TNR: variants seen among roughly 807,000 people sequenced by gnomAD.
TNR encodes tenascin-R.
Under a neutral mutation model 150.4 loss-of-function variants are expected in TNR, and 45 were observed. The observed-to-expected ratio is 0.30, with a 90% CI of 0.24 to 0.38. TNR has a LOEUF of 0.38. Ranked by LOEUF, TNR falls within the 10% of genes least tolerant of loss-of-function variation. The pLI is 1.00. For synonymous variants in TNR, 687 were observed against 678.4 expected (o/e 1.01, Z -0.20); for missense variants, 1,544 against 1,759.1 (o/e 0.88, Z 2.19).
chr1:175,367,607 C>A (rs1239512947), intron 9 of TNR, among the ~76,000 whole-genome samples: 4 of 152,100 alleles, frequency 2.6e-5, no homozygotes, highest in South Asian at 2.1e-4. Flanking sequence ...GTATGCTTAG[C>A]GTCTCAGGTT....
chr1:175,463,335 G>A (rs538824887), intron 2 of TNR, among the ~76,000 whole-genome samples: 1 of 152,240 alleles, frequency 6.6e-6, no homozygotes, highest in Admixed American at 6.5e-5. Flanking sequence ...GTATGCTTTT[G>A]CCAGCACCAC....
intron 1 of TNR, among the ~76,000 whole-genome samples, chr1:175,682,739 G>A (rs1272312551): frequency 1.3e-5 from 2 of 152,142 alleles, no homozygotes; most frequent in African/African-American, 4.8e-5. Context: ...GGTGGAAGCA[G>A]AACTGGGTTG....
chr1:175,678,696 T>C (rs1437985155), intron 1 of TNR, among the ~76,000 whole-genome samples: 1 of 151,976 alleles, frequency 6.6e-6, no homozygotes, highest in African/African-American at 2.4e-5. Flanking sequence ...GAGGCAGAGG[T>C]GACATTGACA....
intron 1 of TNR, among the ~76,000 whole-genome samples, chr1:175,682,223 G>T (rs1279715608): frequency 6.6e-6 from 1 of 152,154 alleles, no homozygotes; most frequent in Non-Finnish European, 1.5e-5. Flanking sequence ...ATTACTAACT[G>T]ACTATGCTCA....
intron 1 of TNR, among the ~76,000 whole-genome samples, chr1:175,723,378 G>T (rs144329685): frequency 3.3e-5 from 5 of 152,226 alleles, no homozygotes; most frequent in African/African-American, 1.2e-4. Context: ...CTACCTGGGT[G>T]TCATCTCCAC....
At chr1:175,339,895 T>C (rs189433959) in intron 18 of TNR, among the ~76,000 whole-genome samples, 2 of 145,922 alleles carry the variant, frequency 1.4e-5, no homozygotes, top group East Asian at 1.9e-4. Context: ...CTTCTTCATA[T>C]TGATAATGTA....
At chr1:175,610,332 C>T (rs1164812708) in intron 1 of TNR, among the ~76,000 whole-genome samples, 1 of 152,220 alleles carries the variant, frequency 6.6e-6, no homozygotes, top group African/African-American at 2.4e-5. Context: ...CTCATGGATG[C>T]CCCTTTGTTT....
Position 175,473,898 on chromosome 1 carries a change from TGAGGA to T in TNR, c.-64+54366_-64+54370del, listed in dbSNP as rs545964579. Among the ~76,000 whole-genome samples the T allele has an allele frequency of 5.7e-3, 873 of 152,280 alleles. 2 individuals are homozygous for T. The highest frequency in any genetic ancestry group is 8.2e-3 in the Non-Finnish European group (561 of 68,016). On this transcript the variant is annotated intron_variant, in intron 2 of 22. Coordinates refer to ENST00000367674, the MANE Select transcript of TNR (RefSeq NM_003285.3). ...CTGGTTTTAATGAAGTGCATTAAAA[TGAGGA>T]GATTCATGGCCGCCTGTATGCTTTT...
In TNR at chr1:175,379,728, G is replaced by A; in HGVS notation, c.1787C>T (p.Ala596Val). ...AGAACCAACTCGCAAGTTCTTGGGG[G>A]CATCGATCTCTAAAAATAGACAGAC... is the stretch of plus-strand genomic sequence containing the variant. ...ATTQFTTEIDAPKNLRVGSRT... is the reference protein window; with the variant it reads ...ATTQFTTEIDVPKNLRVGSRT... Residue 596 changes from alanine (A) to valine (V), a missense_variant, in exon 9 of 23, where the codon GCC becomes GTC. By Grantham distance (64) the Ala-to-Val change is moderately conservative. Coordinates refer to ENST00000367674, the MANE Select transcript of TNR (RefSeq NM_003285.3). 8 of 1,613,950 alleles carry A rather than the reference G, an allele frequency of 5.0e-6. No homozygotes were observed. Among genetic ancestry groups the A allele is most frequent in the East Asian group, 2.2e-5 (1 of 44,888 alleles).
chr1:175,466,992 A>G (rs1302404942), intron 2 of TNR, among the ~76,000 whole-genome samples: 1 of 152,146 alleles, frequency 6.6e-6, no homozygotes, highest in East Asian at 1.9e-4. Flanking sequence ...TTAACCCCTG[A>G]ATCCTCAGAG....
chr1:175,603,438 G>T (rs1209694536), intron 1 of TNR, among the ~76,000 whole-genome samples: 1 of 152,200 alleles, frequency 6.6e-6, no homozygotes, highest in African/African-American at 2.4e-5. Context: ...TTTTCAAGTT[G>T]CGAGGGGACT....
Position 175,528,276 on chromosome 1 carries a change from G to A in TNR, c.-71C>T, listed in dbSNP as rs1226652551. 1 of 152,222 alleles carries A rather than the reference G, an allele frequency of 6.6e-6. No individual in the cohort carries two copies. The highest frequency in any genetic ancestry group is 1.5e-5 in the Non-Finnish European group (1 of 68,046). 9.4% of individuals were successfully genotyped at this position (152,222 alleles called of 1,614,324 possible). ...AATGTTCACAGGAAATACCTTTTGT[G>A]ATGGTGTCTTCGATGCTTTCTCTTT... On this transcript the variant is annotated 5_prime_UTR_variant, in exon 2 of 23. Coordinates refer to ENST00000367674, the MANE Select transcript of TNR (RefSeq NM_003285.3).
At chr1:175,577,508 T>G (rs937654711) in intron 1 of TNR, among the ~76,000 whole-genome samples, 2 of 152,188 alleles carry the variant, frequency 1.3e-5, no homozygotes, top group African/African-American at 4.8e-5. Flanking sequence ...ATCTTCCATC[T>G]TCACTAGATG....
chr1:175,451,405 G>A (rs984711071), intron 2 of TNR, among the ~76,000 whole-genome samples: 1 of 152,004 alleles, frequency 6.6e-6, no homozygotes, highest in East Asian at 1.9e-4. Context: ...GGTGTGTGAT[G>A]TTCCCCTTCC....
In TNR at chr1:175,367,232, G is replaced by T. The variant is rs767130193; in HGVS notation, c.2029C>A (p.Pro677Thr). ...CCAGTCCTGGCATTCATGGTGGCTGGCACGCTTTGCTGTGAGTTCATGACG... is the reference window on the plus strand; with the variant it reads ...CCAGTCCTGGCATTCATGGTGGCTGTCACGCTTTGCTGTGAGTTCATGACG... ...SAVMNSQQSV[P>T]ATMNARTELD... Residue 677 changes from proline (P) to threonine (T), a missense_variant, in exon 10 of 23, where the codon CCA becomes ACA. By Grantham distance (38) the Pro-to-Thr change is conservative. This residue lies in a region of TNR where 1,254 missense variants were observed against 1,329.4 expected (regional missense o/e 0.94). Transcript: ENST00000367674. The T allele has an allele frequency of 1.2e-6, 2 of 1,614,072 alleles. No individual in the cohort carries two copies. The highest frequency in any genetic ancestry group is 2.2e-5 in the South Asian group (2 of 91,054).
chr1:175,726,164 ACCAG>A (rs918286888), intron 1 of TNR, among the ~76,000 whole-genome samples: 1 of 152,196 alleles, frequency 6.6e-6, no homozygotes, highest in Non-Finnish European at 1.5e-5. Context: ...ATGCTAAAGT[ACCAG>A]TCCTCAAGAA....
chr1:175,400,805 A>G (rs1460451664), intron 4 of TNR, among the ~76,000 whole-genome samples: 1 of 152,176 alleles, frequency 6.6e-6, no homozygotes, highest in Non-Finnish European at 1.5e-5. Flanking sequence ...AACGTCAAAC[A>G]GTGGATAAAT....
chr1:175,407,002 A>T (rs1246570559), intron 2 of TNR, among the ~76,000 whole-genome samples: 1 of 152,202 alleles, frequency 6.6e-6, no homozygotes, highest in Non-Finnish European at 1.5e-5. Flanking sequence ...TTGTTTTCTC[A>T]AAAGGCTTAT....
chr1:175,410,642 G>A (rs1654172367), intron 2 of TNR, among the ~76,000 whole-genome samples: 1 of 152,202 alleles, frequency 6.6e-6, no homozygotes, highest in Non-Finnish European at 1.5e-5. Flanking sequence ...CACTAGTTCT[G>A]GCTGATGAAT....
Sources: gnomAD v4.1 joint callset for allele counts (sites outside exome capture counted in the v4.1 genomes callset) on GRCh38, gnomAD v4.1.1 for gene constraint, gnomAD v4.1.1 regional missense constraint, MANE v1.5 for transcripts, NCBI Gene and HGNC (gene_info 2026-07-23, HGNC 2026-07-21) for gene names.